The following KIF14 variants were observed in gnomAD, a reference collection of about 807,000 sequenced individuals.
The protein encoded by KIF14 is kinesin-like protein KIF14.
KIF14 carries 98 observed loss-of-function variants against 176.2 expected under a neutral mutation model. The observed-to-expected ratio is 0.56, with a 90% CI of 0.47 to 0.66. The LOEUF (loss-of-function observed/expected upper bound fraction) is 0.66. Ranked by LOEUF, KIF14 falls within the 30% of genes least tolerant of loss-of-function variation. The pLI is 0.00. For synonymous variants in KIF14, 566 were observed against 632.2 expected, an observed-to-expected ratio of 0.90 and a Z score of 1.57; for missense variants, 1,751 against 1,920.4, an observed-to-expected ratio of 0.91 and a Z score of 1.65.
At chr1:200,613,597 A>T (rs1660263077) in intron 4 of KIF14, among the ~76,000 whole-genome samples, 2 of 152,194 alleles carry the variant, frequency 1.3e-5, no homozygotes, top group Non-Finnish European at 2.9e-5. Context: ...TTATCATAAA[A>T]AATACTGGAG....
Position 200,600,263 on chromosome 1 carries a change from T to C in KIF14, c.2300+93A>G, listed in dbSNP as rs1207080413. 8 of 1,362,272 alleles carry C rather than the reference T, an allele frequency of 5.9e-6. No individual in the cohort carries two copies. In the East Asian group the frequency reaches 1.4e-4, roughly 23 times the overall value. The allele number at this position is 1,362,272 out of a possible 1,614,324, so 84.4% of individuals were successfully genotyped here. A position where few individuals can be genotyped will look rare whatever the true frequency, so the allele number is the denominator to read the frequency against. The stretch of plus-strand genomic sequence containing the variant: ...TGGGCTGCTCTATTCATAAGGAAGG[T>C]CGGAAAAATACTCAGTATCCTCTTG... On this transcript the variant is annotated intron_variant, in intron 12 of 29. Transcript: ENST00000367350.
At chr1:200,553,962 T>G (rs1192735056) in intron 29 of KIF14, among the ~76,000 whole-genome samples, 195 bp from the exon 30 acceptor site, 2 of 152,212 alleles carry the variant, frequency 1.3e-5, no homozygotes, top group Non-Finnish European at 2.9e-5. Flanking sequence ...ATTATTTAGG[T>G]AGAAGTACTG....
intron 22 of KIF14, among the ~76,000 whole-genome samples, chr1:200,573,427 CT>C (rs869174532): frequency 2.4e-3 from 185 of 77,738 alleles, no homozygotes; most frequent in Admixed American, 5.8e-3. Context: ...GAGCTCATTT[CT>C]TTTTTTTTTT....
chr1:200,607,999 G>A (rs184649467), intron 5 of KIF14, among the ~76,000 whole-genome samples: 5 of 152,102 alleles, frequency 3.3e-5, no homozygotes, highest in South Asian at 2.1e-4. Flanking sequence ...ACGCCCAGCC[G>A]TCTTCTTTAG....
At chr1:200,614,243 G>T in intron 4 of KIF14, 75 bp downstream of exon 4, 1 of 760,944 alleles carries the variant, frequency 1.3e-6, no homozygotes, top group Non-Finnish European at 2.3e-6. Context: ...TTTCCTTAGT[G>T]GCCATGACTG....
rs149518634 is a variant in KIF14, at chr1:200,603,282, C to T, written c.1923G>A (p.Ser641=). 21 of 1,608,776 alleles carry T rather than the reference C, an allele frequency of 1.3e-5. No individual in the cohort carries two copies. Among genetic ancestry groups the T allele is most frequent in the African/African-American group, 8.0e-5 (6 of 74,744 alleles). Residue 641 remains serine (S), a synonymous_variant, in exon 10 of 30, where the codon TCG becomes TCA. Coordinates refer to ENST00000367350, the MANE Select transcript of KIF14 (RefSeq NM_014875.3). ...AAACACTCCTTTGGTTTGCTTGTTC[C>T]GAAAGTGCAGATATAACTTTTCCCA... is the stretch of plus-strand genomic sequence containing the variant. ...LTLGKVISAL[S]EQANQRSVFI... is the part of the protein sequence containing the mutation.
chr1:200,598,146 C>G, intron 14 of KIF14, 91 bp downstream of exon 14: 1 of 1,072,606 alleles, frequency 9.3e-7, no homozygotes, highest in South Asian at 1.4e-5. Flanking sequence ...ACCAAACGAT[C>G]AGTATCAACG....
intron 21 of KIF14, among the ~76,000 whole-genome samples, chr1:200,576,230 G>C (rs1248245693): frequency 6.6e-6 from 1 of 152,092 alleles, no homozygotes; most frequent in Non-Finnish European, 1.5e-5. Context: ...TGTAATCCCA[G>C]CACTTTGGGA....
At chr1:200,600,608 C>T (rs917312737) in intron 11 of KIF14, 105 bp from the exon 12 acceptor site, 2 of 747,500 alleles carry the variant, frequency 2.7e-6, no homozygotes, top group East Asian at 2.7e-5. Context: ...GTTTTAAATA[C>T]AGTATTACTA....
At chr1:200,567,907 TATG>T (rs1379360087) in intron 23 of KIF14, among the ~76,000 whole-genome samples, 1 of 151,502 alleles carries the variant, frequency 6.6e-6, no homozygotes, top group Non-Finnish European at 1.5e-5. Context: ...TCAATATCAT[TATG>T]ATGATAATGA....
chr1:200,592,046 TAC>T, intron 16 of KIF14, 32 bp downstream of exon 16: 2 of 1,568,864 alleles, frequency 1.3e-6, no homozygotes, highest in Non-Finnish European at 1.7e-6. Context: ...ATCTCTCTCA[TAC>T]ACTTACTATT....
rs116130210 is a variant in KIF14, at chr1:200,617,736, C to T, written c.988G>A (p.Ala330Thr). ...SFLANKQERS[A>T]ENTILPEEET... is the part of the protein sequence containing the mutation. The stretch of plus-strand genomic sequence containing the variant: ...TCTTCGGGAAGAATTGTATTTTCTG[C>T]GGATCTTTCCTGTTTATTTGCAAGA... The change falls in exon 2 of 30, where the codon GCA becomes ACA. Residue 330 changes from alanine (A) to threonine (T), a missense_variant. Coordinates refer to ENST00000367350, the MANE Select transcript of KIF14 (RefSeq NM_014875.3). 4.6e-5 allele frequency: 75 copies of T among 1,614,126 alleles called. No individual in the cohort carries two copies. The African/African-American group carries it at 7.6e-4, about 16-fold the overall frequency.
chr1:200,578,094 TAA>T (rs2102641968), intron 21 of KIF14, among the ~76,000 whole-genome samples: 1 of 152,278 alleles, frequency 6.6e-6, no homozygotes, highest in East Asian at 1.9e-4. Flanking sequence ...TTTATTAGCA[TAA>T]AGTTTTATAG....
Position 200,602,085 on chromosome 1 carries a change from C to A in KIF14, c.1980-17G>T. The A allele has an allele frequency of 6.2e-7, 1 of 1,604,476 alleles. No homozygotes were observed. The highest frequency in any genetic ancestry group is 1.1e-5 in the South Asian group (1 of 89,216). ...TTTAACAGCCTACAAGAAAAAAAGTCATAAGACTTTGCTTCTACAACAACT... is the reference window on the plus strand; with the variant it reads ...TTTAACAGCCTACAAGAAAAAAAGTAATAAGACTTTGCTTCTACAACAACT... On this transcript the variant is annotated splice_polypyrimidine_tract_variant and intron_variant, in intron 10 of 29. Transcript: ENST00000367350.
In KIF14 at chr1:200,601,978, G is replaced by A. The variant is rs775949245; in HGVS notation, c.2070C>T (p.Ser690=). The stretch of plus-strand genomic sequence containing the variant: ...GGGCTTGGTTAGCATATCTAAGTGT[G>A]CTTAATGTTTCTTCTATGTTGCTGG... ...PAASNIEETL[S]TLRYANQARL... Residue 690 remains serine, a synonymous_variant, in exon 11 of 30, where the codon AGC becomes AGT. Transcript: ENST00000367350. 50 of 1,613,700 alleles carry A rather than the reference G, an allele frequency of 3.1e-5. No homozygotes were observed. Among genetic ancestry groups the A allele is most frequent in the Non-Finnish European group, 4.1e-5 (48 of 1,179,816 alleles).
chr1:200,564,920 A>G lies in KIF14; in HGVS notation c.4071+149T>C, dbSNP rs116131993. On this transcript the variant is annotated intron_variant, in intron 25 of 29. Transcript: ENST00000367350. ...ATGTAAGTCTTTGTTTAACAAATCA[A>G]TTACAGACAACCACAGTCTCAGAAC... is the stretch of plus-strand genomic sequence containing the variant. The G allele has an allele frequency of 2.0e-3, 1,245 of 613,938 alleles. 14 individuals carry two copies. In the African/African-American group the frequency reaches 0.021, roughly 10 times the overall value. The allele number at this position is 613,938 out of a possible 1,614,324, so 38.0% of individuals were successfully genotyped here. A position where few individuals can be genotyped will look rare whatever the true frequency, so the allele number is the denominator to read the frequency against.
chr1:200,559,085 T>A (rs538173705), intron 27 of KIF14, among the ~76,000 whole-genome samples: 35 of 152,274 alleles, frequency 2.3e-4, no homozygotes, highest in African/African-American at 7.7e-4. Flanking sequence ...GCTTAGGAGT[T>A]TACAGACTGA....
intron 21 of KIF14, among the ~76,000 whole-genome samples, chr1:200,576,413 G>T (rs1235747238): frequency 4.0e-5 from 6 of 149,860 alleles, no homozygotes; most frequent in African/African-American, 1.5e-4. Context: ...GGGAGGCGGA[G>T]CTTGCAGTGA....
intron 9 of KIF14, among the ~76,000 whole-genome samples, 158 bp from the exon 10 acceptor site, chr1:200,603,499 T>C (rs1659726035): frequency 6.6e-6 from 1 of 152,012 alleles, no homozygotes; most frequent in Admixed American, 6.6e-5. Flanking sequence ...CAGGCTGGAG[T>C]GCAGTGGCAT....
Sources: allele counts gnomAD v4.1 joint callset (sites outside exome capture counted in the v4.1 genomes callset), GRCh38; gene constraint gnomAD v4.1.1; transcripts MANE v1.5; gene names NCBI Gene and HGNC (gene_info 2026-07-23, HGNC 2026-07-21).